The following ANK3 variants were observed in gnomAD, a reference collection of about 807,000 sequenced individuals.
ANK3 encodes the protein ankyrin-3.
In ANK3, 57 loss-of-function variants were observed where a neutral mutation model predicts 370.9. The observed-to-expected ratio is 0.15, with a 90% confidence interval of 0.12 to 0.19. ANK3 has a LOEUF of 0.19. ANK3 is among the 10% of genes least tolerant of loss of function. The pLI is 1.00. For synonymous variants in ANK3, 1,929 were observed against 1,946.3 expected, an observed-to-expected ratio of 0.99 and a Z score of 0.23; for missense variants, 4,439 against 5,302.1, an observed-to-expected ratio of 0.84 and a Z score of 5.06.
At chr10:60,498,033 A>T (rs2075704488) in intron 2 of ANK3, among the ~76,000 whole-genome samples, 1 of 152,130 alleles carries the variant, frequency 6.6e-6, no homozygotes, top group Non-Finnish European at 1.5e-5. Flanking sequence ...CAATCCACCC[A>T]CAATCTCTAT....
intron 23 of ANK3, among the ~76,000 whole-genome samples, chr10:60,165,099 A>T (rs2095593007): frequency 6.6e-6 from 1 of 152,162 alleles, no homozygotes; most frequent in Non-Finnish European, 1.5e-5. Flanking sequence ...TTGGCCTCTC[A>T]TCAATGGGGA....
chr10:60,330,513 GA>G (rs1378743899), intron 1 of ANK3, among the ~76,000 whole-genome samples: 10 of 151,722 alleles, frequency 6.6e-5, no homozygotes, highest in Non-Finnish European at 1.0e-4. Context: ...CAACAAACAT[GA>G]AAAAAAAGCT....
At position 60,547,089 on chromosome 10, in the gene ANK3, C is replaced by CTTT. The variant is rs5785455; in HGVS notation, c.96+68094_96+68096dup. ...GTTTGTCAGTTCCCTCAATGCAACT[C>CTTT]TTTTTTTTTTTTTTTTTTTGAGAAG... On this transcript the variant is annotated intron_variant, in intron 2 of 43. Coordinates refer to the ANK3 transcript ENST00000373827. Among the ~76,000 whole-genome samples, 112 of 120,738 alleles carry CTTT rather than the reference C, an allele frequency of 9.3e-4. 3 individuals are homozygous for CTTT. The highest frequency in any genetic ancestry group is 1.1e-3 in the Admixed American group (12 of 10,590). The allele number at this position is 120,738 out of a possible 152,430, so 79.2% of individuals were successfully genotyped here. A position where few individuals can be genotyped will look rare whatever the true frequency, so the allele number is the denominator to read the frequency against.
intron 4 of ANK3, 69 bp from the exon 5 acceptor site, chr10:60,270,298 T>C (rs2097951616): frequency 4.0e-6 from 4 of 992,792 alleles, no homozygotes; most frequent in Non-Finnish European, 5.8e-6. Flanking sequence ...ATGGTACTGA[T>C]GATTTATGCT....
chr10:60,380,133 CA>C (rs2061368277), intron 1 of ANK3, among the ~76,000 whole-genome samples: 1 of 152,090 alleles, frequency 6.6e-6, no homozygotes, highest in Non-Finnish European at 1.5e-5. Context: ...AGGTAGAATA[CA>C]TTTCCAGTAA....
Position 60,186,406 on chromosome 10 carries a change from AAAG to A in ANK3, c.2085+306_2085+308del, listed in dbSNP as rs2096333597. Among the ~76,000 whole-genome samples, 4 of 150,396 alleles carry A rather than the reference AAAG, an allele frequency of 2.7e-5. No individual in the cohort carries two copies. In the South Asian group the frequency reaches 8.4e-4, roughly 32 times the overall value. ...CACTCTGTCACCCAGGCTGGAGTAT[AAAG>A]AAGCAATCAGAGCTCACTGCAGCCT... is the stretch of plus-strand genomic sequence containing the variant. On this transcript the variant is annotated intron_variant, in intron 17 of 43. Coordinates refer to ENST00000280772, the MANE Select transcript of ANK3 (RefSeq NM_020987.5).
At chr10:60,561,258 T>G (rs2077327701) in intron 2 of ANK3, among the ~76,000 whole-genome samples, 1 of 152,224 alleles carries the variant, frequency 6.6e-6, no homozygotes. Context: ...TAATATTTCA[T>G]AAGCTTCATT....
intron 2 of ANK3, among the ~76,000 whole-genome samples, chr10:60,571,210 T>C (rs1158064571): frequency 6.6e-6 from 1 of 152,178 alleles, no homozygotes; most frequent in Admixed American, 6.5e-5. Context: ...AAGTCAAGGC[T>C]GACTTAAAAC....
rs77786883 is a variant in ANK3, at chr10:60,298,661, T to C, written c.115-19022A>G. On this transcript the variant is annotated intron_variant, in intron 1 of 43. Transcript: ENST00000280772. The stretch of plus-strand genomic sequence containing the variant: ...CCACCAAAACAGAAAACACTGCACA[T>C]ATGGGCTGAGATCAAATGCTTTCAC... Among the ~76,000 whole-genome samples the C allele has an allele frequency of 4.6e-5, 7 of 152,296 alleles. No individual in the cohort carries two copies. In the East Asian group the frequency reaches 1.3e-3, roughly 29 times the overall value.
At chr10:60,541,846 G>T (rs562489903) in intron 2 of ANK3, among the ~76,000 whole-genome samples, 2 of 152,034 alleles carry the variant, frequency 1.3e-5, no homozygotes, top group South Asian at 4.1e-4. Flanking sequence ...AAATAAAGCA[G>T]AGACTTTTAT....
intron 2 of ANK3, among the ~76,000 whole-genome samples, chr10:60,475,860 A>G (rs2075050404): frequency 6.6e-6 from 1 of 152,180 alleles, no homozygotes; most frequent in African/African-American, 2.4e-5. Flanking sequence ...AGCAGCCAAG[A>G]TACACCAAAG....
At chr10:60,279,019 G>T in intron 3 of ANK3, 31 bp downstream of exon 3, 1 of 1,604,186 alleles carries the variant, frequency 6.2e-7, no homozygotes, top group Non-Finnish European at 8.5e-7. Flanking sequence ...ATGGCGAGTG[G>T]TTCAAAAAGC....
chr10:60,111,753 G>A, intron 26 of ANK3: 1 of 456,206 alleles, frequency 2.2e-6, no homozygotes, highest in Non-Finnish European at 4.4e-6. Context: ...TACTGAGGAA[G>A]TGGAGAAGAA....
At chr10:60,570,027 T>C (rs957434877) in intron 2 of ANK3, among the ~76,000 whole-genome samples, 1 of 152,178 alleles carries the variant, frequency 6.6e-6, no homozygotes, top group African/African-American at 2.4e-5. Flanking sequence ...TATATATGTA[T>C]ACATATTTTT....
intron 2 of ANK3, among the ~76,000 whole-genome samples, chr10:60,588,328 G>A (rs1408503304): frequency 6.6e-6 from 1 of 151,620 alleles, no homozygotes; most frequent in Non-Finnish European, 1.5e-5. Flanking sequence ...GGCATTACAG[G>A]CGAGTGCCAC....
intron 1 of ANK3, among the ~76,000 whole-genome samples, chr10:60,301,125 T>G (rs1013025859): frequency 1.2e-4 from 17 of 143,564 alleles, no homozygotes; most frequent in South Asian, 8.6e-4. Flanking sequence ...ATACTTCCGA[T>G]ATATATATAT....
At chr10:60,353,158 G>GTTT (rs1198062363) in intron 1 of ANK3, among the ~76,000 whole-genome samples, 101 of 126,074 alleles carry the variant, frequency 8.0e-4, no homozygotes, top group African/African-American at 2.6e-3. Context: ...TTTTTGTTTT[G>GTTT]TTTTTTTTTT....
rs189671353 is a variant in ANK3, at chr10:60,618,180, G to A, written c.58-2956C>T. On this transcript the variant is annotated intron_variant, in intron 1 of 43. Coordinates refer to the ANK3 transcript ENST00000373827. ...CACACCCACGTTATCTGGTTCCAGT[G>A]TCTATTTTCCATTGCAACCATGCCA... 3.0e-3 allele frequency among the ~76,000 whole-genome samples: 456 copies of A among 152,200 alleles called. 2 individuals carry two copies. Among genetic ancestry groups the A allele is most frequent in the African/African-American group, 0.01 (430 of 41,540 alleles).
Position 60,463,858 on chromosome 10 carries a change from A to C in ANK3, c.96+151328T>G, listed in dbSNP as rs1263004810. Among the ~76,000 whole-genome samples, 7 of 152,164 alleles carry C rather than the reference A, an allele frequency of 4.6e-5. No homozygotes were observed. The South Asian group carries it at 1.5e-3, about 32-fold the overall frequency. Reference sequence around the variant, plus strand: ...AAGATTTTTTTTTGTGTGTGGAGGAAGGGAGCTTTTTGTATATCATGCTCC... The same window carrying C: ...AAGATTTTTTTTTGTGTGTGGAGGACGGGAGCTTTTTGTATATCATGCTCC... On this transcript the variant is annotated intron_variant, in intron 2 of 43. Coordinates refer to the ANK3 transcript ENST00000373827.
Sources: gnomAD v4.1 joint callset for allele counts (sites outside exome capture counted in the v4.1 genomes callset) on GRCh38, gnomAD v4.1.1 for gene constraint, MANE v1.5 for transcripts, NCBI Gene and HGNC (gene_info 2026-07-23, HGNC 2026-07-21) for gene names.